The following ADGRG4 variants were observed in gnomAD, a reference collection of about 807,000 sequenced individuals.
ADGRG4 encodes the protein G protein-coupled receptor 112.
Under a neutral mutation model 126.2 loss-of-function variants are expected in ADGRG4, and 122 were observed. The ratio of observed to expected loss-of-function variants is 0.97; its 90% confidence interval spans 0.83 to 1.12. ADGRG4 has a LOEUF of 1.12. Among genes scored for constraint, ADGRG4 ranks in the 50% most tolerant of loss-of-function variants. The pLI is 0.00. For missense variants in ADGRG4, 2,481 were observed against 2,251.8 expected (o/e 1.10, Z -2.06); for synonymous variants, 943 against 838.7 (o/e 1.12, Z -2.15).
intron 18 of ADGRG4, among the ~76,000 whole-genome samples, chrX:136,394,288 C>T (rs980208568): frequency 1.8e-5 from 2 of 111,839 alleles, no homozygotes; most frequent in African/African-American, 6.5e-5. Flanking sequence ...CTTAGCATTG[C>T]CATCTTCACT....
intron 5 of ADGRG4, among the ~76,000 whole-genome samples, chrX:136,324,043 A>G (rs917052365): frequency 3.6e-5 from 4 of 112,042 alleles, no homozygotes; most frequent in African/African-American, 1.3e-4. Flanking sequence ...TGGTAAGAAT[A>G]CCACAGAAAT....
At chrX:136,373,939 T>C (rs1214700109) in intron 15 of ADGRG4, among the ~76,000 whole-genome samples, 4 of 111,507 alleles carry the variant, frequency 3.6e-5, no homozygotes, top group Non-Finnish European at 5.7e-5. Context: ...CATTCCAGCC[T>C]AGGCAACAGA....
In ADGRG4 at chrX:136,345,223, C is replaced by T. The variant is rs759971118; in HGVS notation, c.1517C>T (p.Ser506Leu). The change falls in exon 6 of 26, where the codon TCA (serine) becomes TTA (leucine). Residue 506 changes from serine (S) to leucine (L), a missense_variant. Ser to Leu is a moderately radical substitution (Grantham distance 145). Transcript: ENST00000394143. ...ATGAAAATAGCATTTACAGTCCATTCATTGACTCTCCCAACTAGGCTTATT... is the reference window on the plus strand; with the variant it reads ...ATGAAAATAGCATTTACAGTCCATTTATTGACTCTCCCAACTAGGCTTATT... ...TDMKIAFTVH[S>L]LTLPTRLIET... 1.7e-6 allele frequency: 2 copies of T among 1,208,255 alleles called. No homozygotes were observed. The highest frequency in any genetic ancestry group is 3.5e-5 in the African/African-American group (2 of 57,214).
Position 136,350,262 on chromosome X carries a change from T to C in ADGRG4, c.6556T>C (p.Ser2186Pro). ...DSLLNIMTTT[S>P]TVPGASFPLI... The stretch of plus-strand genomic sequence containing the variant: ...CCTTCTAAATATAATGACTACTACA[T>C]CCACTGTTCCTGGAGCCTCATTTCC... The change falls in exon 6 of 26, where the codon TCC becomes CCC. Residue 2186 changes from serine to proline, a missense_variant. Transcript: ENST00000394143. The C allele has an allele frequency of 3.3e-6, 4 of 1,209,467 alleles. No individual in the cohort carries two copies. The highest frequency in any genetic ancestry group is 4.5e-6 in the Non-Finnish European group (4 of 893,525).
In ADGRG4 at chrX:136,346,367, TC is replaced by T. The variant is rs780372249; in HGVS notation, c.2663del (p.Pro888LeufsTer3). On this transcript the variant is annotated frameshift_variant, in exon 6 of 26. Coordinates refer to ENST00000394143, the MANE Select transcript of ADGRG4 (RefSeq NM_153834.4). LOFTEE classifies it high-confidence loss of function. ...VTASVTVSSF[P>X]DIEKLSTPLD... ...CAGCTTCTGTCACTGTTTCCTCTTT[TC>T]CTGATATAGAAAAGCTAAGTACCCC... is the stretch of plus-strand genomic sequence containing the variant. The T allele has an allele frequency of 7.4e-6, 9 of 1,208,449 alleles. No homozygotes were observed. The South Asian group carries it at 1.1e-4, about 14-fold the overall frequency.
At chrX:136,364,539 T>C (rs766453230) in intron 13 of ADGRG4, among the ~76,000 whole-genome samples, 117 of 112,427 alleles carry the variant, frequency 1.0e-3, no homozygotes, top group African/African-American at 3.6e-3. Flanking sequence ...CTGTTTCTTA[T>C]GGATGAGTAT....
At position 136,359,438 on chromosome X, in the gene ADGRG4, T is replaced by C. The variant is rs371045658; in HGVS notation, c.7127T>C (p.Val2376Ala). The C allele has an allele frequency of 6.1e-5, 73 of 1,196,398 alleles. No homozygotes were observed. In the East Asian group the frequency reaches 2.1e-3, roughly 34 times the overall value. ...QLTLLVNCEH[V>A]AVKKLEPGNC... ...ACGTTATTAGTAAACTGTGAACACG[T>C]TGCAGTGAAAAAACTAGGTAATTTT... is the stretch of plus-strand genomic sequence containing the variant. The change falls in exon 11 of 26, where the codon GTT becomes GCT. Residue 2376 changes from valine (V) to alanine (A), a missense_variant. By Grantham distance (64) the Val-to-Ala change is moderately conservative. Transcript: ENST00000394143.
intron 22 of ADGRG4, among the ~76,000 whole-genome samples, chrX:136,405,086 A>G (rs1166608699): frequency 2.7e-5 from 3 of 112,248 alleles, no homozygotes; most frequent in Non-Finnish European, 3.8e-5. Flanking sequence ...GTTGTTAATC[A>G]ATCCAGTAAC....
In ADGRG4 at chrX:136,356,158, G is replaced by A. The variant is rs374010236; in HGVS notation, c.6920G>A (p.Arg2307Gln). Reference sequence around the variant, plus strand: ...TCAGAGGAAGAGATGGTCATGGATCGAGCTATTGTAAGTAATTTTTCAAAA... The same window carrying A: ...TCAGAGGAAGAGATGGTCATGGATCAAGCTATTGTAAGTAATTTTTCAAAA... ...DISEEEMVMD[R>Q]AILEQREGQE... Residue 2307 changes from arginine (R) to glutamine (Q), a missense_variant, in exon 9 of 26, where the codon CGA becomes CAA. Physicochemically the swap from Arg to Gln is conservative, Grantham distance 43. Coordinates refer to ENST00000394143, the MANE Select transcript of ADGRG4 (RefSeq NM_153834.4). 2 of 1,176,437 alleles carry A rather than the reference G, an allele frequency of 1.7e-6. No individual in the cohort carries two copies. Among genetic ancestry groups the A allele is most frequent in the South Asian group, 1.9e-5 (1 of 53,150 alleles).
intron 15 of ADGRG4, among the ~76,000 whole-genome samples, chrX:136,383,855 T>TTTC (rs1279456689): frequency 1.2e-5 from 1 of 80,625 alleles, no homozygotes; most frequent in Non-Finnish European, 2.6e-5. Flanking sequence ...TCTTTCTTTC[T>TTTC]TTCTTTCTTT....
At chrX:136,305,145 G>A (rs1359000257) in intron 3 of ADGRG4, 122 bp downstream of exon 3, 1 of 111,890 alleles carries the variant, frequency 8.9e-6, no homozygotes, top group Non-Finnish European at 1.9e-5. Flanking sequence ...CAAAGCCTAG[G>A]TTCTTATTCA....
In ADGRG4 at chrX:136,393,565, G is replaced by A. The variant is rs777646035; in HGVS notation, c.8065G>A (p.Asp2689Asn). The change falls in exon 18 of 26, where the codon GAT becomes AAT. Residue 2689 changes from aspartate (D) to asparagine (N), a missense_variant. Coordinates refer to ENST00000394143, the MANE Select transcript of ADGRG4 (RefSeq NM_153834.4). ...NYGQVHCAFW[D>N]FENNNGLGGW... ...TGGTCAAGTTCACTGTGCCTTTTGG[G>A]ATTTTGAGAATAATAGTAAGTATTT... is the stretch of plus-strand genomic sequence containing the variant. The A allele has an allele frequency of 2.5e-6, 3 of 1,200,422 alleles. No individual in the cohort carries two copies. Among genetic ancestry groups the A allele is most frequent in the African/African-American group, 3.5e-5 (2 of 56,912 alleles).
intron 15 of ADGRG4, among the ~76,000 whole-genome samples, chrX:136,374,145 G>C (rs974166610): frequency 1.3e-5 from 1 of 79,387 alleles, no homozygotes; most frequent in Non-Finnish European, 2.4e-5. Context: ...TTTATATAAG[G>C]CTTCTTTCAT....
intron 1 of ADGRG4, among the ~76,000 whole-genome samples, chrX:136,302,856 T>C (rs1013711144): frequency 1.8e-5 from 2 of 112,131 alleles, no homozygotes; most frequent in Admixed American, 9.5e-5. Flanking sequence ...TAGAGGTGGA[T>C]ACCATCATCA....
intron 18 of ADGRG4, 25 bp downstream of exon 18, chrX:136,393,605 G>C (rs1285554779): frequency 8.7e-7 from 1 of 1,155,287 alleles, no homozygotes; most frequent in Non-Finnish European, 1.2e-6. Context: ...TAGCAACTTT[G>C]ACTTTGCCCC....
chrX:136,352,978 A>G (rs2075071828), intron 7 of ADGRG4, among the ~76,000 whole-genome samples: 1 of 111,815 alleles, frequency 8.9e-6, no homozygotes, highest in Non-Finnish European at 1.9e-5. Flanking sequence ...GTGTCCTCAC[A>G]TGGACTTTCC....
At chrX:136,309,678 C>T (rs1443467737) in intron 4 of ADGRG4, among the ~76,000 whole-genome samples, 1 of 111,889 alleles carries the variant, frequency 8.9e-6, no homozygotes, top group African/African-American at 3.3e-5. Flanking sequence ...TTGCTGCATG[C>T]AGAGCCTGAT....
rs760452075 is a variant in ADGRG4, at chrX:136,357,699, A to G, written c.6928-5A>G. 4 of 1,173,912 alleles carry G rather than the reference A, an allele frequency of 3.4e-6. No individual in the cohort carries two copies. The East Asian group carries it at 9.0e-5, about 26-fold the overall frequency. On this transcript the variant is annotated splice_polypyrimidine_tract_variant and splice_region_variant and intron_variant, in intron 9 of 25. Transcript: ENST00000394143. ...CAGTGACTATGTACTTTTCTTTTGC[A>G]TTAGTTGGAACAGAGAGAAGGACAA...
chrX:136,361,886 T>TG (rs1203211924), intron 12 of ADGRG4, among the ~76,000 whole-genome samples: 1 of 112,073 alleles, frequency 8.9e-6, no homozygotes, highest in Non-Finnish European at 1.9e-5. Context: ...TTGGCATATA[T>TG]TTTTTTCATG....
Sources: gnomAD v4.1 joint callset for allele counts (sites outside exome capture counted in the v4.1 genomes callset) on GRCh38, gnomAD v4.1.1 for gene constraint, MANE v1.5 for transcripts, NCBI Gene and HGNC (gene_info 2026-07-23, HGNC 2026-07-21) for gene names.